The following ACSL6 variants were observed in gnomAD, a reference collection of about 807,000 sequenced individuals.
ACSL6 encodes acyl-CoA synthetase long chain family member 6.
In ACSL6, 47 loss-of-function variants were observed where a neutral mutation model predicts 98.2. The observed-to-expected ratio is 0.48, with a 90% CI of 0.38 to 0.61. ACSL6 has a LOEUF of 0.61. ACSL6 is among the 20% of genes least tolerant of loss of function. The pLI is 0.00. For synonymous variants in ACSL6, 362 were observed against 336.9 expected (o/e 1.07, Z -0.82); for missense variants, 761 against 913.4 (o/e 0.83, Z 2.15).
intron 1 of ACSL6, among the ~76,000 whole-genome samples, chr5:132,004,358 C>G (rs1003512517): frequency 6.6e-6 from 1 of 152,146 alleles, no homozygotes; most frequent in African/African-American, 2.4e-5. Context: ...CTCCCACTAC[C>G]AGGAGAAATA....
chr5:131,953,567 T>G lies in ACSL6; in HGVS notation c.*667A>C, dbSNP rs1752253420. 2 of 188,858 alleles carry G rather than the reference T, an allele frequency of 1.1e-5. No individual in the cohort carries two copies. The highest frequency in any genetic ancestry group is 3.9e-4 in the South Asian group (2 of 5,128). The allele number at this position is 188,858 out of a possible 1,614,324, so 11.7% of individuals were successfully genotyped here. A position where few individuals can be genotyped will look rare whatever the true frequency, so the allele number is the denominator to read the frequency against. ...CTGCAATGAGCCATGATTAAGCCACTGCACTCCAGCCTAGGTGACAGAGCA... is the reference window on the plus strand; with the variant it reads ...CTGCAATGAGCCATGATTAAGCCACGGCACTCCAGCCTAGGTGACAGAGCA... On this transcript the variant is annotated 3_prime_UTR_variant, in exon 21 of 21. Coordinates refer to ENST00000651883, the MANE Select transcript of ACSL6 (RefSeq NM_001009185.3).
chr5:131,975,571 C>T (rs1202262380), intron 10 of ACSL6: 21 of 983,706 alleles, frequency 2.1e-5, no homozygotes, highest in Non-Finnish European at 2.5e-5. Context: ...AGGCCAAACC[C>T]CAAACACTGG....
chr5:131,977,302 G>A (rs1055359200), intron 9 of ACSL6, among the ~76,000 whole-genome samples: 11 of 152,212 alleles, frequency 7.2e-5, no homozygotes, highest in African/African-American at 2.2e-4. Flanking sequence ...ACTACTGCTC[G>A]TGAGGCCTAG....
At chr5:131,963,879 G>T (rs1238424996) in intron 17 of ACSL6, among the ~76,000 whole-genome samples, 1 of 152,118 alleles carries the variant, frequency 6.6e-6, no homozygotes, top group African/African-American at 2.4e-5. Flanking sequence ...TCCATTAGCT[G>T]GGTGTTGTCA....
In ACSL6 at chr5:131,988,919, G is replaced by T. The variant is rs1030702134; in HGVS notation, c.553-15C>A. The T allele has an allele frequency of 1.2e-6, 2 of 1,602,306 alleles. No individual in the cohort carries two copies. The highest frequency in any genetic ancestry group is 1.7e-6 in the Non-Finnish European group (2 of 1,169,608). On this transcript the variant is annotated splice_polypyrimidine_tract_variant and intron_variant, in intron 5 of 20. Coordinates refer to ENST00000651883, the MANE Select transcript of ACSL6 (RefSeq NM_001009185.3). ...ACAATGATCCACTGTGGAGACACAT[G>T]AGGCGGGGGTGGGGAAGAAGGGGAG...
intron 9 of ACSL6, chr5:131,983,227 C>G (rs1262140546): frequency 6.6e-6 from 1 of 152,146 alleles, no homozygotes; most frequent in African/African-American, 2.4e-5. Context: ...GTCCAGCTAA[C>G]TGTTATTTTG....
Position 131,954,154 on chromosome 5 carries a change from T to C in ACSL6, c.*80A>G, listed in dbSNP as rs1752278582. 2 of 1,402,914 alleles carry C rather than the reference T, an allele frequency of 1.4e-6. No homozygotes were observed. Among genetic ancestry groups the C allele is most frequent in the East Asian group, 5.0e-5 (2 of 40,036 alleles). 86.9% of individuals were successfully genotyped at this position (1,402,914 alleles called of 1,614,324 possible). On this transcript the variant is annotated 3_prime_UTR_variant, in exon 21 of 21. Transcript: ENST00000651883. ...AGATGCTTATTCATTTTCAGCTGTG[T>C]CATTTTGACTCATTACTTTCAAGAA...
intron 3 of ACSL6, 28 bp downstream of exon 3, chr5:131,990,825 C>A: frequency 6.8e-7 from 1 of 1,464,382 alleles, no homozygotes; most frequent in Non-Finnish European, 9.0e-7. Context: ...CACAGCCCCT[C>A]CACACCCCCC....
chr5:131,970,306 C>T, intron 14 of ACSL6, 106 bp from the exon 15 acceptor site: 1 of 1,006,490 alleles, frequency 9.9e-7, no homozygotes, highest in Non-Finnish European at 1.6e-6. Flanking sequence ...CTGACTGCTT[C>T]ATGATCAGGG....
intron 1 of ACSL6, chr5:132,001,790 A>G (rs917648534): frequency 1.3e-5 from 2 of 152,080 alleles, no homozygotes; most frequent in Non-Finnish European, 2.9e-5. Context: ...TCATGACAGT[A>G]CCTCTCAAAA....
At chr5:131,970,296 C>T in intron 14 of ACSL6, 96 bp from the exon 15 acceptor site, 1 of 1,107,876 alleles carries the variant, frequency 9.0e-7, no homozygotes, top group Admixed American at 1.8e-5. Flanking sequence ...CTGAGCGTGT[C>T]TGACTGCTTC....
rs541809286 is a variant in ACSL6 at position 132,011,457 on chromosome 5, A to G, written c.49+48T>C. 129 of 1,588,090 alleles carry G rather than the reference A, an allele frequency of 8.1e-5. 3 individuals carry two copies. In the South Asian group the frequency reaches 1.3e-3, roughly 16 times the overall value. On this transcript the variant is annotated intron_variant, in intron 1 of 20. Coordinates refer to ENST00000651883, the MANE Select transcript of ACSL6 (RefSeq NM_001009185.3). This position sits in a 1 kb window ranked among gnomAD's most constrained non-coding sequence, Gnocchi z 5.4. ...CCTCCACCTCGGGCGAAGACCTCAT[A>G]GCCTGCGGGAGATGGGAGTCCGGGA...
At chr5:131,983,928 G>A (rs1754031633) in intron 9 of ACSL6, 1 of 152,270 alleles carries the variant, frequency 6.6e-6, no homozygotes, top group Non-Finnish European at 1.5e-5. Flanking sequence ...CAATGTCTGT[G>A]ACCAAGTGAC....
rs554453876 is a variant in ACSL6 at position 131,958,682 on chromosome 5, A to G, written c.2031+854T>C. ...TTTAATCCATGAAAATGTTTTTTTA[A>G]TTGCAAATTAAAGCACTGTAAGAGT... On this transcript the variant is annotated intron_variant, in intron 20 of 20. Transcript: ENST00000651883. Among the ~76,000 whole-genome samples the G allele has an allele frequency of 3.0e-4, 45 of 152,254 alleles. No individual in the cohort carries two copies. In the South Asian group the frequency reaches 8.9e-3, roughly 30 times the overall value.
chr5:131,992,592 C>A (rs892248902), intron 2 of ACSL6, among the ~76,000 whole-genome samples: 4 of 152,212 alleles, frequency 2.6e-5, no homozygotes, highest in African/African-American at 9.6e-5. Flanking sequence ...CCCCTACACA[C>A]GAGCCAGGGT....
chr5:131,977,490 C>A (rs1017450233), intron 9 of ACSL6, among the ~76,000 whole-genome samples: 1 of 152,206 alleles, frequency 6.6e-6, no homozygotes, highest in Admixed American at 6.5e-5. Context: ...AAATCCTAGC[C>A]TTGCCACTCA....
chr5:131,972,909 T>C (rs1753393105), intron 12 of ACSL6, 51 bp from the exon 13 acceptor site: 4 of 1,612,924 alleles, frequency 2.5e-6, no homozygotes, highest in East Asian at 2.2e-5. Flanking sequence ...GTCTCATTTC[T>C]AGATATATCC....
At chr5:131,966,310 ACT>A (rs1337423747) in intron 17 of ACSL6, 104 bp downstream of exon 17, 1 of 1,065,518 alleles carries the variant, frequency 9.4e-7, no homozygotes, top group African/African-American at 1.6e-5. Flanking sequence ...CTCCTGAATG[ACT>A]CATTGTCAGG....
chr5:131,994,296 G>A (rs775998532), intron 1 of ACSL6, 45 bp from the exon 2 acceptor site: 40 of 1,515,394 alleles, frequency 2.6e-5, no homozygotes, highest in African/African-American at 4.1e-5. Context: ...CTGACGGGCA[G>A]GTTAGGGAGG....
Sources: allele counts gnomAD v4.1 joint callset (sites outside exome capture counted in the v4.1 genomes callset), GRCh38; gene constraint gnomAD v4.1.1; non-coding constraint Gnocchi (gnomAD v3.1); transcripts MANE v1.5; gene names NCBI Gene and HGNC (gene_info 2026-07-23, HGNC 2026-07-21).